Variants in JHY observed in about 807,000 individuals in gnomAD.
The protein encoded by JHY is junctional cadherin complex regulator, also known as jhy protein homolog.
Under a neutral mutation model 78.0 loss-of-function variants are expected in JHY, and 69 were observed. The observed-to-expected ratio is 0.88, with a 90% CI of 0.73 to 1.08. The LOEUF (loss-of-function observed/expected upper bound fraction) is 1.08. Ranked by LOEUF, JHY falls within the 50% of genes least tolerant of loss-of-function variation. JHY has a pLI of 0.00. For missense variants in JHY, 944 were observed against 927.8 expected, an observed-to-expected ratio of 1.02 and a Z score of -0.23; for synonymous variants, 368 against 342.6, an observed-to-expected ratio of 1.07 and a Z score of -0.82.
intron 3 of JHY, among the ~76,000 whole-genome samples, chr11:122,914,442 G>GT (rs1022149823): frequency 1.9e-4 from 28 of 150,862 alleles, no homozygotes; most frequent in Admixed American, 3.3e-4. Flanking sequence ...TTGTTTTTTT[G>GT]TTTTTTTTGT....
chr11:122,889,228 G>T (rs1475264214), intron 2 of JHY, among the ~76,000 whole-genome samples: 1 of 152,174 alleles, frequency 6.6e-6, no homozygotes, highest in Non-Finnish European at 1.5e-5. Context: ...TTAACCAAAT[G>T]AGATGGATTT....
intron 7 of JHY, 109 bp downstream of exon 7, chr11:122,956,685 CT>C (rs1316238390): frequency 3.7e-6 from 3 of 810,442 alleles, no homozygotes; most frequent in Admixed American, 5.2e-5. Flanking sequence ...AAATGTCTCA[CT>C]CTGAATAGAG....
At chr11:122,915,091 A>T (rs1273924274) in intron 3 of JHY, among the ~76,000 whole-genome samples, 1 of 152,080 alleles carries the variant, frequency 6.6e-6, no homozygotes, top group Non-Finnish European at 1.5e-5. Context: ...CCCTTTGAAA[A>T]CCAGAAATTT....
intron 6 of JHY, among the ~76,000 whole-genome samples, chr11:122,955,658 G>A (rs1864175321): frequency 6.6e-6 from 1 of 152,122 alleles, no homozygotes; most frequent in African/African-American, 2.4e-5. Flanking sequence ...CACACTGAAT[G>A]AACAATATGA....
chr11:122,963,555 G>A lies in JHY; in HGVS notation c.*4110G>A, dbSNP rs1864354029. On this transcript the variant is annotated 3_prime_UTR_variant, in exon 9 of 9. Coordinates refer to ENST00000227349, the MANE Select transcript of JHY (RefSeq NM_024806.4). ...AAACTACCATAAAACTAAGGGGAGAGATTTTGCAAAAACAGGGAGTGACAG... is the reference window on the plus strand; with the variant it reads ...AAACTACCATAAAACTAAGGGGAGAAATTTTGCAAAAACAGGGAGTGACAG... Among the ~76,000 whole-genome samples, 1 of 152,142 alleles carries A rather than the reference G, an allele frequency of 6.6e-6. No homozygotes were observed. Among genetic ancestry groups the A allele is most frequent in the Non-Finnish European group, 1.5e-5 (1 of 68,004 alleles).
rs144387013 is a variant in JHY at position 122,943,460 on chromosome 11, G to C, written c.1635-3038G>C. Among the ~76,000 whole-genome samples the C allele has an allele frequency of 1.6e-4, 25 of 152,192 alleles. No homozygotes were observed. In the East Asian group the frequency reaches 4.8e-3, roughly 29 times the overall value. Reference sequence around the variant, plus strand: ...TTCTATATACTTACATTCTATGTACGAGTAGGCTTGTTGAATAGGTCTTTT... The same window carrying C: ...TTCTATATACTTACATTCTATGTACCAGTAGGCTTGTTGAATAGGTCTTTT... On this transcript the variant is annotated intron_variant, in intron 5 of 8. Transcript: ENST00000227349.
chr11:122,892,455 T>A (rs1243075802), intron 2 of JHY, among the ~76,000 whole-genome samples: 1 of 151,936 alleles, frequency 6.6e-6, no homozygotes, highest in Non-Finnish European at 1.5e-5. Flanking sequence ...CCTGAGTAAC[T>A]GGGACTACAG....
Position 122,904,264 on chromosome 11 carries a change from C to G in JHY, c.684C>G (p.Tyr228Ter), listed in dbSNP as rs748027186. 14 of 1,614,148 alleles carry G rather than the reference C, an allele frequency of 8.7e-6. No homozygotes were observed. Among genetic ancestry groups the G allele is most frequent in the Non-Finnish European group, 1.1e-5 (13 of 1,180,022 alleles). The change falls in exon 3 of 9, where the codon TAC (tyrosine) becomes TAG (stop). Residue 228 changes from tyrosine (Y) to a stop codon, truncating the protein, a stop_gained. Transcript: ENST00000227349. LOFTEE classifies it high-confidence loss of function. ...AGAAGTCGAGCAGCCTTTCTCCGTA[C>G]GTGAAGAGCTCAAGTTCACATAACG... ...LEEKSSSLSP[Y>*]VKSSSSHNEV...
chr11:122,892,262 TA>T (rs1862633912), intron 2 of JHY, among the ~76,000 whole-genome samples: 1 of 151,658 alleles, frequency 6.6e-6, no homozygotes, highest in Non-Finnish European at 1.5e-5. Context: ...GAGGAATTAC[TA>T]GTTAAATTGA....
chr11:122,893,500 T>C (rs901579543), intron 2 of JHY, among the ~76,000 whole-genome samples: 4 of 152,186 alleles, frequency 2.6e-5, no homozygotes, highest in African/African-American at 9.6e-5. Context: ...GGATGCATTA[T>C]TGCGTTAAAA....
chr11:122,929,687 G>A (rs12796643), intron 4 of JHY, among the ~76,000 whole-genome samples: 78 of 152,134 alleles, frequency 5.1e-4, no homozygotes, highest in Non-Finnish European at 4.4e-4. Context: ...GACTTGAAAA[G>A]ACTAAATACC....
At position 122,924,986 on chromosome 11, in the gene JHY, G is replaced by T. The variant is rs1408902872; in HGVS notation, c.954G>T (p.Trp318Cys). Reference sequence around the variant, plus strand: ...CTGCCATCGATCCTGAAGATAAATGGCATCAAAGAGCACAACAGCTAAAGG... The same window carrying T: ...CTGCCATCGATCCTGAAGATAAATGTCATCAAAGAGCACAACAGCTAAAGG... ...ENAAIDPEDK[W>C]HQRAQQLKNY... Residue 318 changes from tryptophan (W) to cysteine (C), a missense_variant, in exon 4 of 9, where the codon TGG becomes TGT. Coordinates refer to ENST00000227349, the MANE Select transcript of JHY (RefSeq NM_024806.4). 6.2e-7 allele frequency: 1 copy of T among 1,613,694 alleles called. No homozygotes were observed.
intron 3 of JHY, 39 bp from the exon 4 acceptor site, chr11:122,924,858 G>C: frequency 6.6e-7 from 1 of 1,516,076 alleles, no homozygotes; most frequent in Non-Finnish European, 9.1e-7. Context: ...AGACTAAAAT[G>C]AATCCAGTTA....
chr11:122,949,863 A>G (rs1259820706), intron 6 of JHY, among the ~76,000 whole-genome samples: 4 of 148,780 alleles, frequency 2.7e-5, no homozygotes, highest in African/African-American at 9.9e-5. Flanking sequence ...TTGAGACAGA[A>G]TCTCGCTTCA....
chr11:122,939,820 C>T (rs1329324112), intron 5 of JHY, among the ~76,000 whole-genome samples: 1 of 152,154 alleles, frequency 6.6e-6, no homozygotes, highest in African/African-American at 2.4e-5. Context: ...TTTCAACATT[C>T]AGCCCCTAAG....
chr11:122,956,386 T>G, intron 6 of JHY, 110 bp from the exon 7 acceptor site: 1 of 823,294 alleles, frequency 1.2e-6, no homozygotes, highest in Non-Finnish European at 1.9e-6. Context: ...GCACACAGGC[T>G]TTCATTATTT....
chr11:122,946,368 G>C (rs753042805), intron 5 of JHY, 130 bp from the exon 6 acceptor site: 28 of 987,718 alleles, frequency 2.8e-5, no homozygotes, highest in Non-Finnish European at 3.9e-5. Context: ...AAAAGATTAA[G>C]CTAAAGGTCA....
chr11:122,894,354 C>T (rs1054913278), intron 2 of JHY, among the ~76,000 whole-genome samples: 8 of 151,762 alleles, frequency 5.3e-5, no homozygotes, highest in East Asian at 1.9e-4. Flanking sequence ...CAAAAAGCCA[C>T]GTAAAAGAAG....
At chr11:122,942,416 T>C (rs1044670391) in intron 5 of JHY, among the ~76,000 whole-genome samples, 2 of 152,160 alleles carry the variant, frequency 1.3e-5, no homozygotes, top group Admixed American at 6.5e-5. Flanking sequence ...TGTTTTTGAC[T>C]TCTTAACTTC....
Sources: gnomAD v4.1 joint callset for allele counts (sites outside exome capture counted in the v4.1 genomes callset) on GRCh38, gnomAD v4.1.1 for gene constraint, MANE v1.5 for transcripts, NCBI Gene and HGNC (gene_info 2026-07-23, HGNC 2026-07-21) for gene names.